FGGY: variants seen among roughly 807,000 people sequenced by gnomAD.
FGGY encodes the protein FGGY carbohydrate kinase domain containing, also known as FGGY carbohydrate kinase domain-containing protein.
FGGY carries 72 observed loss-of-function variants against 71.3 expected under a neutral mutation model. The observed-to-expected ratio is 1.01, with a 90% confidence interval of 0.84 to 1.23. The LOEUF (loss-of-function observed/expected upper bound fraction) is 1.23. FGGY is among the 50% of genes most tolerant of loss of function. The probability of loss-of-function intolerance (pLI) is 0.00; values close to 1 mark genes in which losing one functional copy is unlikely to be tolerated. For missense variants in FGGY, 668 were observed against 682.3 expected (o/e 0.98, Z 0.23); for synonymous variants, 251 against 250.3 (o/e 1.00, Z -0.02).
At chr1:59,597,522 C>A (rs993931386) in intron 8 of FGGY, among the ~76,000 whole-genome samples, 1 of 152,096 alleles carries the variant, frequency 6.6e-6, no homozygotes, top group East Asian at 1.9e-4. Context: ...AAAGTTAAAC[C>A]CCCACATGAG....
At chr1:59,697,338 C>T (rs560530061) in intron 14 of FGGY, among the ~76,000 whole-genome samples, 1 of 152,306 alleles carries the variant, frequency 6.6e-6, no homozygotes, top group East Asian at 1.9e-4. Flanking sequence ...ACCCGTTAAA[C>T]AATAACTCTG....
intron 14 of FGGY, among the ~76,000 whole-genome samples, chr1:59,713,808 A>G (rs1035804063): frequency 1.3e-5 from 2 of 152,172 alleles, no homozygotes; most frequent in South Asian, 2.1e-4. Flanking sequence ...TTCCCCTTTC[A>G]CTATCATCAG....
At chr1:59,392,880 C>T (rs1403334337) in intron 5 of FGGY, among the ~76,000 whole-genome samples, 2 of 152,076 alleles carry the variant, frequency 1.3e-5, no homozygotes, top group Non-Finnish European at 2.9e-5. Flanking sequence ...TTGTTAAATA[C>T]AAAAAATTGT....
intron 14 of FGGY, among the ~76,000 whole-genome samples, chr1:59,703,648 A>T (rs557799926): frequency 6.6e-6 from 1 of 152,350 alleles, no homozygotes; most frequent in South Asian, 2.1e-4. Flanking sequence ...GCAGAAGAAT[A>T]GGAAGGCTAG....
At chr1:59,375,657 G>GATC (rs1449468054) in intron 4 of FGGY, among the ~76,000 whole-genome samples, 1 of 152,150 alleles carries the variant, frequency 6.6e-6, no homozygotes, top group African/African-American at 2.4e-5. Context: ...GTTGGACTGG[G>GATC]ATCTCCAGCT....
chr1:59,353,625 A>C (rs1205523588), intron 4 of FGGY, among the ~76,000 whole-genome samples: 1 of 152,230 alleles, frequency 6.6e-6, no homozygotes, highest in East Asian at 1.9e-4. Context: ...GACATTTACC[A>C]GTGCCGCCAG....
intron 2 of FGGY, chr1:59,332,176 C>T (rs190849751): frequency 6.6e-6 from 1 of 152,026 alleles, no homozygotes; most frequent in Non-Finnish European, 1.5e-5. Context: ...TACACAATCC[C>T]TTCCCCAAAT....
intron 2 of FGGY, among the ~76,000 whole-genome samples, chr1:59,338,353 T>C (rs961998256): frequency 1.3e-4 from 20 of 152,168 alleles, no homozygotes; most frequent in Admixed American, 8.5e-4. Flanking sequence ...TATGTAATAT[T>C]TGTTGGAAAG....
At chr1:59,381,995 A>C (rs2059520540) in intron 5 of FGGY, among the ~76,000 whole-genome samples, 1 of 152,192 alleles carries the variant, frequency 6.6e-6, no homozygotes, top group African/African-American at 2.4e-5. Flanking sequence ...GCCTCTTGTC[A>C]TGATGACCTC....
intron 7 of FGGY, among the ~76,000 whole-genome samples, chr1:59,543,666 G>A (rs960397043): frequency 2.6e-5 from 4 of 152,164 alleles, no homozygotes; most frequent in Non-Finnish European, 5.9e-5. Context: ...AGAGAAGAGA[G>A]CTAGCCTGCT....
intron 1 of FGGY, among the ~76,000 whole-genome samples, chr1:59,319,894 G>C (rs921062862): frequency 2.0e-5 from 3 of 152,140 alleles, no homozygotes; most frequent in Non-Finnish European, 4.4e-5. Context: ...CTGGAGGGTG[G>C]GGCAAGGGCG....
At chr1:59,323,136 G>A (rs1349032968) in intron 2 of FGGY, among the ~76,000 whole-genome samples, 2 of 152,060 alleles carry the variant, frequency 1.3e-5, no homozygotes, top group Non-Finnish European at 2.9e-5. Context: ...CCCCCAATCT[G>A]GTAAGAATCT....
chr1:59,398,931 T>C (rs2061623401), intron 5 of FGGY, among the ~76,000 whole-genome samples: 1 of 152,230 alleles, frequency 6.6e-6, no homozygotes, highest in Non-Finnish European at 1.5e-5. Flanking sequence ...TGGCAATGTA[T>C]GTGGCTTCAA....
At chr1:59,742,158 T>G (rs968581685) in intron 14 of FGGY, among the ~76,000 whole-genome samples, 2 of 152,160 alleles carry the variant, frequency 1.3e-5, no homozygotes, top group Non-Finnish European at 2.9e-5. Context: ...CTGTTGCCTC[T>G]CATGGTCAAG....
At position 59,762,475 on chromosome 1, in the gene FGGY, A is replaced by G. The variant is rs147536466; in HGVS notation, c.1575-28A>G. On this transcript the variant is annotated intron_variant, in intron 15 of 15. Coordinates refer to ENST00000303721, the MANE Select transcript of FGGY (RefSeq NM_018291.5). ...CCTGTGGCAGTTTTGTCTTGAGATC[A>G]TTCAACATATTTATATTTCTCCCAC... The G allele has an allele frequency of 4.4e-6, 7 of 1,577,182 alleles. 1 individual carries two copies. Among genetic ancestry groups the G allele is most frequent in the South Asian group, 2.2e-5 (2 of 89,028 alleles).
intron 11 of FGGY, among the ~76,000 whole-genome samples, chr1:59,645,757 C>T (rs1044534444): frequency 6.6e-6 from 1 of 152,122 alleles, no homozygotes; most frequent in Non-Finnish European, 1.5e-5. Flanking sequence ...AAGCAATGAC[C>T]TTGGAGACAT....
At chr1:59,301,064 T>C (rs1159555805) in intron 1 of FGGY, among the ~76,000 whole-genome samples, 3 of 152,170 alleles carry the variant, frequency 2.0e-5, no homozygotes, top group Non-Finnish European at 2.9e-5. Flanking sequence ...GGGGGGAGAA[T>C]TGACATTTGA....
Position 59,371,747 on chromosome 1 carries a change from A to G in FGGY, c.466-7002A>G, listed in dbSNP as rs955271716. ...TGCAATCAAACTAGAACTCAGGATT[A>G]AGAAACTCACTCAAAACTGCTCAAC... is the stretch of plus-strand genomic sequence containing the variant. On this transcript the variant is annotated intron_variant, in intron 4 of 15. Coordinates refer to ENST00000303721, the MANE Select transcript of FGGY (RefSeq NM_018291.5). Among the ~76,000 whole-genome samples the G allele has an allele frequency of 7.2e-5, 11 of 152,324 alleles. No homozygotes were observed. In the East Asian group the frequency reaches 1.3e-3, roughly 19 times the overall value.
chr1:59,306,289 T>C (rs1438362945), intron 1 of FGGY, among the ~76,000 whole-genome samples: 1 of 152,068 alleles, frequency 6.6e-6, no homozygotes, highest in Admixed American at 6.5e-5. Context: ...CAGATACCAA[T>C]AATAAAGGGG....
Sources: allele counts gnomAD v4.1 joint callset (sites outside exome capture counted in the v4.1 genomes callset), GRCh38; gene constraint gnomAD v4.1.1; transcripts MANE v1.5; gene names NCBI Gene and HGNC (gene_info 2026-07-23, HGNC 2026-07-21).